The following NEGR1 variants were observed in gnomAD, a reference collection of about 807,000 sequenced individuals.
NEGR1 encodes neuronal growth regulator 1, also known as IgLON family member 4.
NEGR1 carries 10 observed loss-of-function variants against 40.9 expected under a neutral mutation model. The observed-to-expected ratio is 0.24, with a 90% CI of 0.15 to 0.42. The LOEUF is 0.42. Among genes scored for constraint, NEGR1 ranks in the 10% least tolerant of loss-of-function variants. The pLI, the probability that NEGR1 is intolerant of heterozygous loss-of-function variation, is 1.00. For missense variants in NEGR1, 352 were observed against 438.9 expected (o/e 0.80, Z 1.77); for synonymous variants, 185 against 166.8 (o/e 1.11, Z -0.84).
chr1:71,414,857 G>C (rs1449265165), intron 6 of NEGR1, among the ~76,000 whole-genome samples: 2 of 152,140 alleles, frequency 1.3e-5, no homozygotes, highest in Non-Finnish European at 2.9e-5. Flanking sequence ...CTGGAGTGCA[G>C]AGAGGTAAAC....
At chr1:71,882,253 T>C (rs1475527463) in intron 2 of NEGR1, among the ~76,000 whole-genome samples, 5 of 152,126 alleles carry the variant, frequency 3.3e-5, no homozygotes, top group Non-Finnish European at 7.4e-5. Flanking sequence ...CAGTTAGTTG[T>C]ATAACTGCTG....
Position 72,238,450 on chromosome 1 carries a change from GC to G in NEGR1, c.176+43868del, listed in dbSNP as rs68076126. Among the ~76,000 whole-genome samples the G allele has an allele frequency of 3.7e-3, 563 of 151,792 alleles. 4 individuals are homozygous for G. The highest frequency in any genetic ancestry group is 0.013 in the African/African-American group (550 of 41,448). ...TTACTTATTACCTTCAATGTGTTAGGCTTATGACATTTTTTTTAAAAGACAC... is the reference window on the plus strand; with the variant it reads ...TTACTTATTACCTTCAATGTGTTAGGTTATGACATTTTTTTTAAAAGACAC... On this transcript the variant is annotated intron_variant, in intron 1 of 6. Transcript: ENST00000357731.
chr1:71,434,818 G>A (rs1227662138), intron 6 of NEGR1, among the ~76,000 whole-genome samples: 9 of 152,300 alleles, frequency 5.9e-5, no homozygotes, highest in African/African-American at 2.2e-4. Context: ...GAGGCCGGGC[G>A]CGGTGGCTCA....
chr1:71,747,029 T>C (rs1245458994), intron 3 of NEGR1, among the ~76,000 whole-genome samples: 1 of 152,226 alleles, frequency 6.6e-6, no homozygotes, highest in Non-Finnish European at 1.5e-5. Context: ...AATGATTCAG[T>C]TGCATTACTG....
At position 71,937,032 on chromosome 1, in the gene NEGR1, G is replaced by A. The variant is rs1557443751; in HGVS notation, c.177-1721C>T. 2.0e-5 allele frequency among the ~76,000 whole-genome samples: 3 copies of A among 152,214 alleles called. No homozygotes were observed. In the South Asian group the frequency reaches 6.2e-4, roughly 31 times the overall value. On this transcript the variant is annotated intron_variant, in intron 1 of 6. Transcript: ENST00000357731. ...AGAACACCTTGGGGGATTGAACACA[G>A]TGTTTGAGATTGCTACAAAATTGTA...
intron 3 of NEGR1, among the ~76,000 whole-genome samples, chr1:71,727,752 G>T (rs1171801762): frequency 6.6e-6 from 1 of 152,132 alleles, no homozygotes; most frequent in Non-Finnish European, 1.5e-5. Context: ...TCAGGCTAAG[G>T]GCAAAGGATA....
At chr1:71,697,658 T>C (rs1653524104) in intron 4 of NEGR1, among the ~76,000 whole-genome samples, 1 of 151,818 alleles carries the variant, frequency 6.6e-6, no homozygotes, top group Admixed American at 6.6e-5. Context: ...GTTACGCACT[T>C]AAATTTAGTG....
At chr1:71,471,870 C>T (rs755559377) in intron 6 of NEGR1, among the ~76,000 whole-genome samples, 8 of 152,138 alleles carry the variant, frequency 5.3e-5, no homozygotes, top group South Asian at 2.1e-4. Flanking sequence ...AACAGAACAA[C>T]GTCCCGGTAT....
intron 1 of NEGR1, among the ~76,000 whole-genome samples, chr1:71,955,818 A>G (rs772720985): frequency 6.6e-6 from 1 of 152,138 alleles, no homozygotes; most frequent in Non-Finnish European, 1.5e-5. Context: ...GGCCGATAGC[A>G]CGAAATTAAG....
intron 2 of NEGR1, among the ~76,000 whole-genome samples, chr1:71,813,100 AT>A (rs376512483): frequency 5.6e-4 from 85 of 152,136 alleles, no homozygotes; most frequent in African/African-American, 2.0e-3. Context: ...TCTTGAGTCA[AT>A]TTTTTTATAA....
chr1:72,041,863 A>G (rs1646957798), intron 1 of NEGR1, among the ~76,000 whole-genome samples: 1 of 125,492 alleles, frequency 8.0e-6, no homozygotes, highest in Non-Finnish European at 1.6e-5. Flanking sequence ...ATTTTATAAA[A>G]TATAATTTTA....
In NEGR1 at chr1:72,077,352, C is replaced by G. The variant is rs182193029; in HGVS notation, c.177-142041G>C. On this transcript the variant is annotated intron_variant, in intron 1 of 6. Transcript: ENST00000357731. ...GGTGGAGGGGACTTTCTATCACTTG[C>G]AGCTAGACCCAATGTTAACTGAACC... 1.0e-3 allele frequency among the ~76,000 whole-genome samples: 158 copies of G among 152,194 alleles called. 3 individuals carry two copies. Among genetic ancestry groups the G allele is most frequent in the Admixed American group, 9.0e-3 (137 of 15,276 alleles).
intron 1 of NEGR1, among the ~76,000 whole-genome samples, chr1:72,097,994 G>A (rs1249807476): frequency 6.6e-6 from 1 of 152,082 alleles, no homozygotes; most frequent in Non-Finnish European, 1.5e-5. Context: ...AAGCAAATCT[G>A]GCTCCTGGCT....
At chr1:71,664,087 C>A (rs1652159282) in intron 4 of NEGR1, among the ~76,000 whole-genome samples, 1 of 152,120 alleles carries the variant, frequency 6.6e-6, no homozygotes, top group East Asian at 1.9e-4. Flanking sequence ...TAGCTGACAT[C>A]CTTTTTGTGT....
At chr1:71,984,286 T>A (rs1042039311) in intron 1 of NEGR1, among the ~76,000 whole-genome samples, 3 of 118,224 alleles carry the variant, frequency 2.5e-5, no homozygotes, top group Non-Finnish European at 3.9e-5. Flanking sequence ...AAAATAACTT[T>A]TTTTTAATTA....
intron 2 of NEGR1, among the ~76,000 whole-genome samples, chr1:71,928,548 AC>A: frequency 7.4e-6 from 1 of 134,588 alleles, no homozygotes; most frequent in Non-Finnish European, 1.6e-5. Flanking sequence ...ATATATATAC[AC>A]ATATGTGTAT....
intron 1 of NEGR1, among the ~76,000 whole-genome samples, chr1:72,026,559 C>A (rs1185134656): frequency 6.6e-6 from 1 of 151,640 alleles, no homozygotes; most frequent in Non-Finnish European, 1.5e-5. Flanking sequence ...ACAAAAAAAA[C>A]CCTCATTCCT....
intron 2 of NEGR1, among the ~76,000 whole-genome samples, chr1:71,915,945 G>A (rs1661566151): frequency 6.6e-6 from 1 of 152,174 alleles, no homozygotes; most frequent in African/African-American, 2.4e-5. Flanking sequence ...GTTCAGAGAA[G>A]AAATGATTAA....
intron 2 of NEGR1, among the ~76,000 whole-genome samples, chr1:71,844,169 C>G (rs1659328961): frequency 6.6e-6 from 1 of 152,182 alleles, no homozygotes; most frequent in Admixed American, 6.6e-5. Flanking sequence ...GTAGCAGCCT[C>G]TATTAGAGGT....
Sources: allele counts gnomAD v4.1 joint callset (sites outside exome capture counted in the v4.1 genomes callset), GRCh38; gene constraint gnomAD v4.1.1; transcripts MANE v1.5; gene names NCBI Gene and HGNC (gene_info 2026-07-23, HGNC 2026-07-21).